The following NRXN3 variants were observed in gnomAD, a reference collection of about 807,000 sequenced individuals.
The protein encoded by NRXN3 is neurexin 3.
NRXN3 carries 32 observed loss-of-function variants against 137.6 expected under a neutral mutation model. The observed-to-expected ratio is 0.23, with a 90% confidence interval of 0.18 to 0.31. The LOEUF (loss-of-function observed/expected upper bound fraction) is 0.31. Among genes scored for constraint, NRXN3 ranks in the 10% least tolerant of loss-of-function variants. The probability of loss-of-function intolerance (pLI) is 1.00; values close to 1 mark genes in which losing one functional copy is unlikely to be tolerated. For synonymous variants in NRXN3, 798 were observed against 784.5 expected (o/e 1.02, Z -0.29); for missense variants, 1,574 against 2,062.5 (o/e 0.76, Z 4.59).
intron 4 of NRXN3, among the ~76,000 whole-genome samples, chr14:78,318,602 G>T (rs1288241963): frequency 6.6e-6 from 1 of 152,072 alleles, no homozygotes; most frequent in Non-Finnish European, 1.5e-5. Context: ...TTTCATCTAG[G>T]ATTTTGAGGC....
chr14:78,458,374 G>C (rs1345657336), intron 4 of NRXN3, among the ~76,000 whole-genome samples: 1 of 152,152 alleles, frequency 6.6e-6, no homozygotes, highest in African/African-American at 2.4e-5. Context: ...GAAAAATGTG[G>C]AATGTGTGTA....
At chr14:79,660,913 G>C (rs954878073) in intron 16 of NRXN3, among the ~76,000 whole-genome samples, 1 of 152,066 alleles carries the variant, frequency 6.6e-6, no homozygotes, top group African/African-American at 2.4e-5. Context: ...AGCAGGTTAT[G>C]GCTCACATTA....
At chr14:79,013,862 C>T (rs2152410246) in intron 15 of NRXN3, among the ~76,000 whole-genome samples, 2 of 152,202 alleles carry the variant, frequency 1.3e-5, no homozygotes, top group African/African-American at 4.8e-5. Context: ...TATAAAATTC[C>T]TGTTGCATGG....
At chr14:79,604,673 G>A (rs1458966983) in intron 16 of NRXN3, among the ~76,000 whole-genome samples, 1 of 152,064 alleles carries the variant, frequency 6.6e-6, no homozygotes, top group Non-Finnish European at 1.5e-5. Flanking sequence ...TGTATAAGAA[G>A]ATAAAAAGCT....
intron 15 of NRXN3, among the ~76,000 whole-genome samples, chr14:79,372,477 T>A (rs1216819974): frequency 6.6e-6 from 1 of 152,092 alleles, no homozygotes; most frequent in Admixed American, 6.5e-5. Flanking sequence ...ATTTATTATA[T>A]TATATAATAA....
At chr14:79,093,978 G>T (rs1386244618) in intron 15 of NRXN3, among the ~76,000 whole-genome samples, 1 of 151,948 alleles carries the variant, frequency 6.6e-6, no homozygotes, top group Non-Finnish European at 1.5e-5. Context: ...AACCATCAGG[G>T]CAACTCAACC....
At chr14:79,357,914 G>T (rs2093483232) in intron 15 of NRXN3, among the ~76,000 whole-genome samples, 1 of 152,076 alleles carries the variant, frequency 6.6e-6, no homozygotes, top group Non-Finnish European at 1.5e-5. Flanking sequence ...TCTGTTCCTT[G>T]CTCCTTCTTT....
At chr14:78,300,633 G>T (rs1368790122) in intron 4 of NRXN3, 71 of 1,493,710 alleles carry the variant, frequency 4.8e-5, no homozygotes, top group Non-Finnish European at 6.2e-5. Flanking sequence ...CCGCCTCCAT[G>T]GTGAACACCA....
At chr14:79,269,282 C>A (rs776680904) in intron 15 of NRXN3, among the ~76,000 whole-genome samples, 12 of 152,150 alleles carry the variant, frequency 7.9e-5, no homozygotes, top group Non-Finnish European at 1.6e-4. Flanking sequence ...ATCTCCTGAC[C>A]TTGTGATCCA....
At chr14:79,580,101 T>C (rs1260286353) in intron 16 of NRXN3, among the ~76,000 whole-genome samples, 1 of 152,208 alleles carries the variant, frequency 6.6e-6, no homozygotes. Context: ...GTTTCATCCA[T>C]GTTGCTGCAA....
intron 8 of NRXN3, among the ~76,000 whole-genome samples, chr14:78,719,818 G>T (rs1002167292): frequency 5.3e-5 from 8 of 152,006 alleles, no homozygotes; most frequent in African/African-American, 1.9e-4. Context: ...CTCCAGCCTG[G>T]GTGACAGAGT....
intron 15 of NRXN3, among the ~76,000 whole-genome samples, chr14:79,213,673 T>G (rs2068051700): frequency 6.6e-6 from 1 of 151,668 alleles, no homozygotes; most frequent in Non-Finnish European, 1.5e-5. Flanking sequence ...ATTACATGGG[T>G]GAAGACAAAA....
chr14:78,928,532 T>G (rs2152856197), intron 10 of NRXN3, among the ~76,000 whole-genome samples: 1 of 152,200 alleles, frequency 6.6e-6, no homozygotes, highest in Admixed American at 6.5e-5. Context: ...TTCCAACCTG[T>G]GAGTGAGAAC....
At chr14:79,081,090 G>T (rs189550065) in intron 15 of NRXN3, among the ~76,000 whole-genome samples, 1 of 152,068 alleles carries the variant, frequency 6.6e-6, no homozygotes, top group Admixed American at 6.6e-5. Flanking sequence ...AGTATTTTGC[G>T]TCTATTATCT....
intron 19 of NRXN3, among the ~76,000 whole-genome samples, chr14:79,729,394 C>T (rs2098913091): frequency 6.6e-6 from 1 of 152,146 alleles, no homozygotes; most frequent in Non-Finnish European, 1.5e-5. Context: ...AAGGCCACAC[C>T]TGTCTGCAAA....
chr14:78,249,994 C>T, intron 2 of NRXN3: 2 of 429,706 alleles, frequency 4.7e-6, no homozygotes, highest in Non-Finnish European at 9.2e-6. Flanking sequence ...AATCACAGAG[C>T]ACTGGCTCCA....
intron 15 of NRXN3, among the ~76,000 whole-genome samples, chr14:79,301,020 A>G (rs754168128): frequency 6.6e-6 from 1 of 152,126 alleles, no homozygotes; most frequent in Non-Finnish European, 1.5e-5. Context: ...TTGCTCCACA[A>G]GCACATTGCT....
chr14:79,832,535 T>A (rs2099327040), intron 20 of NRXN3, among the ~76,000 whole-genome samples: 1 of 152,162 alleles, frequency 6.6e-6, no homozygotes, highest in African/African-American at 2.4e-5. Flanking sequence ...TCTGGAGATG[T>A]TTTTGATTGC....
At chr14:78,242,080 T>C (rs571186574) in intron 1 of NRXN3, among the ~76,000 whole-genome samples, 1 of 152,364 alleles carries the variant, frequency 6.6e-6, no homozygotes, top group East Asian at 1.9e-4. Flanking sequence ...TTAGCACTTA[T>C]CTTAAAAATA....
Sources: allele counts gnomAD v4.1 joint callset (sites outside exome capture counted in the v4.1 genomes callset), GRCh38; gene constraint gnomAD v4.1.1; transcripts MANE v1.5; gene names NCBI Gene and HGNC (gene_info 2026-07-23, HGNC 2026-07-21).